DYDC2: variants seen among roughly 807,000 people sequenced by gnomAD.
DYDC2 encodes the protein DPY30 domain-containing protein 2.
DYDC2 carries 19 observed loss-of-function variants against 18.7 expected under a neutral mutation model. The observed-to-expected ratio is 1.02, with a 90% confidence interval of 0.71 to 1.49. The LOEUF is 1.49. Among genes scored for constraint, DYDC2 ranks in the 40% most tolerant of loss-of-function variants. DYDC2 has a pLI of 0.00. For synonymous variants in DYDC2, 63 were observed against 67.6 expected (o/e 0.93, Z 0.34); for missense variants, 179 against 205.1 (o/e 0.87, Z 0.78).
intron 2 of DYDC2, among the ~76,000 whole-genome samples, chr10:80,359,285 T>TA (rs1843585804): frequency 6.6e-6 from 1 of 152,204 alleles, no homozygotes; most frequent in African/African-American, 2.4e-5. Context: ...TTGGTGCATT[T>TA]ACAAACCTTG....
At chr10:80,355,160 G>T (rs1843283816), upstream of DYDC2, among the ~76,000 whole-genome samples, 1 of 151,746 alleles carries the variant, frequency 6.6e-6, no homozygotes, top group Admixed American at 6.6e-5. Flanking sequence ...ATGAGGAAAG[G>T]CCCTGATATA....
chr10:80,359,495 C>T (rs1247597554), intron 2 of DYDC2, among the ~76,000 whole-genome samples: 1 of 152,190 alleles, frequency 6.6e-6, no homozygotes, highest in African/African-American at 2.4e-5. Context: ...CGTAGTGTGC[C>T]CGCACTCCTC....
intron 4 of DYDC2, among the ~76,000 whole-genome samples, chr10:80,365,546 A>C (rs781580462): frequency 6.6e-6 from 1 of 152,272 alleles, no homozygotes; most frequent in Non-Finnish European, 1.5e-5. Context: ...CTCAGAGACC[A>C]TGTGGACAAG....
Position 80,366,933 on chromosome 10 carries a change from C to A in DYDC2, c.516C>A (p.Gly172=), listed in dbSNP as rs755629894. 4.8e-5 allele frequency: 78 copies of A among 1,612,778 alleles called. No individual in the cohort carries two copies. Among genetic ancestry groups the A allele is most frequent in the Non-Finnish European group, 6.0e-5 (71 of 1,179,604 alleles). The change falls in exon 5 of 5, where the codon GGC becomes GGA. Residue 172 remains glycine, a synonymous_variant. Transcript: ENST00000256039. ...QHEVAHEMPP[G]SKSPF ...AAGTTGCTCATGAAATGCCTCCTGG[C>A]TCCAAATCTCCTTTTTAGGTTACAG...
exon 1 of DYDC2, chr10:80,344,772 C>T (rs377301024): frequency 2.2e-4 from 70 of 316,696 alleles, no homozygotes; most frequent in South Asian, 8.8e-5. Flanking sequence ...AAGTGCCTTT[C>T]GCCTCCCACC....
At chr10:80,353,117 C>T (rs1934697), upstream of DYDC2, among the ~76,000 whole-genome samples, 75,733 of 151,564 alleles carry the variant, frequency 0.5, 19,336 homozygotes, top group East Asian at 0.8. Flanking sequence ...CCATGAGAGC[C>T]GTTTTTACAA....
At chr10:80,356,502 C>G, upstream of DYDC2, 2 of 985,422 alleles carry the variant, frequency 2.0e-6, no homozygotes. Context: ...TCCCGCAGCC[C>G]GCAGGAGACG....
Position 80,367,023 on chromosome 10 carries a change from A to C in DYDC2, c.*72A>C. On this transcript the variant is annotated 3_prime_UTR_variant, in exon 5 of 5. Coordinates refer to ENST00000256039, the MANE Select transcript of DYDC2 (RefSeq NM_032372.6). Reference sequence around the variant, plus strand: ...GCCAAGAAAATGGCCAGCTAGAACCAAGATTTAAGGGGCTGTAAAAGGCAA... The same window carrying C: ...GCCAAGAAAATGGCCAGCTAGAACCCAGATTTAAGGGGCTGTAAAAGGCAA... 1 of 1,536,332 alleles carries C rather than the reference A, an allele frequency of 6.5e-7. No homozygotes were observed. The highest frequency in any genetic ancestry group is 8.7e-7 in the Non-Finnish European group (1 of 1,147,088).
rs1030691467 is a variant in DYDC2, at chr10:80,347,995, C to A, written c.-310+3180C>A. Among the ~76,000 whole-genome samples, 4 of 152,112 alleles carry A rather than the reference C, an allele frequency of 2.6e-5. No individual in the cohort carries two copies. The East Asian group carries it at 5.8e-4, about 22-fold the overall frequency. ...GGTTTTTCTGTTTCTGTGAAGAATG[C>A]CATTGGAATTTTGATAGGGATTGAG... is the stretch of plus-strand genomic sequence containing the variant. On this transcript the variant is annotated intron_variant, in intron 1 of 4. Transcript: ENST00000372197.
chr10:80,363,304 T>C (rs1843718034), intron 4 of DYDC2, among the ~76,000 whole-genome samples: 1 of 151,220 alleles, frequency 6.6e-6, no homozygotes, highest in Non-Finnish European at 1.5e-5. Context: ...TTTTAGGAAA[T>C]ACTCTGGTGT....
At chr10:80,348,992 C>T (rs987598830) in intron 1 of DYDC2, among the ~76,000 whole-genome samples, 1 of 152,086 alleles carries the variant, frequency 6.6e-6, no homozygotes, top group African/African-American at 2.4e-5. Context: ...CCTGGGTTCG[C>T]GCCATTCTTC....
intron 2 of DYDC2, among the ~76,000 whole-genome samples, chr10:80,361,557 G>A (rs1589533044): frequency 6.6e-6 from 1 of 152,194 alleles, no homozygotes; most frequent in African/African-American, 2.4e-5. Context: ...CTATGGTGGT[G>A]AGGAAATGGC....
At chr10:80,359,606 G>A (rs1288642531) in intron 2 of DYDC2, among the ~76,000 whole-genome samples, 2 of 152,180 alleles carry the variant, frequency 1.3e-5, no homozygotes, top group African/African-American at 2.4e-5. Flanking sequence ...GGGGAGGCTC[G>A]GGCATGGCGG....
chr10:80,362,364 T>C, intron 2 of DYDC2, 71 bp from the exon 3 acceptor site: 13 of 1,541,670 alleles, frequency 8.4e-6, no homozygotes, highest in Non-Finnish European at 1.1e-5. Flanking sequence ...TCTGAATTGG[T>C]TAGAATGTGT....
At chr10:80,362,648 C>T (rs557591243) in intron 3 of DYDC2, 58 bp downstream of exon 3, 2 of 1,541,772 alleles carry the variant, frequency 1.3e-6, no homozygotes, top group South Asian at 1.3e-5. Context: ...AATTTGAAAG[C>T]CAAGACACAA....
At chr10:80,344,990 C>T (rs1451290743) in intron 1 of DYDC2, among the ~76,000 whole-genome samples, 1 of 152,096 alleles carries the variant, frequency 6.6e-6, no homozygotes, top group Non-Finnish European at 1.5e-5. Flanking sequence ...TGTGTCATAG[C>T]TGACAGTGAT....
In DYDC2 at chr10:80,367,892, T is replaced by A. The variant is rs778433399; in HGVS notation, c.*941T>A. ...TGTATTAAGTAGATTCATATTCTTGTGCAACCATCATCACCATCCGGCTGC... is the reference window on the plus strand; with the variant it reads ...TGTATTAAGTAGATTCATATTCTTGAGCAACCATCATCACCATCCGGCTGC... On this transcript the variant is annotated 3_prime_UTR_variant, in exon 5 of 5. Coordinates refer to ENST00000256039, the MANE Select transcript of DYDC2 (RefSeq NM_032372.6). 6.6e-6 allele frequency: 1 copy of A among 152,220 alleles called. No homozygotes were observed. The highest frequency in any genetic ancestry group is 1.5e-5 in the Non-Finnish European group (1 of 68,046). 9.4% of individuals were successfully genotyped at this position (152,220 alleles called of 1,614,324 possible). A position where few individuals can be genotyped will look rare whatever the true frequency, so the allele number is the denominator to read the frequency against.
chr10:80,347,063 G>C (rs564984067), intron 1 of DYDC2, among the ~76,000 whole-genome samples: 4 of 151,412 alleles, frequency 2.6e-5, no homozygotes, highest in South Asian at 2.1e-4. Flanking sequence ...CTGGGTGAAA[G>C]AGCGAGACTC....
In DYDC2 at chr10:80,345,508, T is replaced by C. The variant is rs549193021; in HGVS notation, c.-310+693T>C. Among the ~76,000 whole-genome samples, 28 of 152,332 alleles carry C rather than the reference T, an allele frequency of 1.8e-4. No homozygotes were observed. The South Asian group carries it at 4.1e-3, about 23-fold the overall frequency. On this transcript the variant is annotated intron_variant, in intron 1 of 4. Coordinates refer to the DYDC2 transcript ENST00000372197. Reference sequence around the variant, plus strand: ...TGGCTATCATCCTCATGCTGTACTTTAGATCTCTACATTTATTCATACTAC... The same window carrying C: ...TGGCTATCATCCTCATGCTGTACTTCAGATCTCTACATTTATTCATACTAC...
Sources: gnomAD v4.1 joint callset for allele counts (sites outside exome capture counted in the v4.1 genomes callset) on GRCh38, gnomAD v4.1.1 for gene constraint, MANE v1.5 for transcripts, NCBI Gene and HGNC (gene_info 2026-07-23, HGNC 2026-07-21) for gene names.